NOL4: variants seen among roughly 807,000 people sequenced by gnomAD.
NOL4 encodes the protein nucleolar protein 4, also known as cancer/testis antigen 125.
NOL4 carries 17 observed loss-of-function variants against 75.9 expected under a neutral mutation model. That is an observed-to-expected ratio of 0.22 (90% confidence interval 0.15 to 0.34). The LOEUF is 0.34. Among genes scored for constraint, NOL4 ranks in the 10% least tolerant of loss-of-function variants. The probability of loss-of-function intolerance (pLI) is 1.00; values close to 1 mark genes in which losing one functional copy is unlikely to be tolerated. For synonymous variants in NOL4, 292 were observed against 289.9 expected (o/e 1.01, Z -0.07); for missense variants, 614 against 793.5 (o/e 0.77, Z 2.72).
At chr18:33,982,814 G>A (rs949265289) in intron 6 of NOL4, among the ~76,000 whole-genome samples, 3 of 144,284 alleles carry the variant, frequency 2.1e-5, no homozygotes, top group Non-Finnish European at 4.5e-5. Flanking sequence ...GTAATGGTGC[G>A]TTCTCGGCTC....
At chr18:33,962,712 A>C (rs1309856518) in intron 6 of NOL4, among the ~76,000 whole-genome samples, 1 of 152,166 alleles carries the variant, frequency 6.6e-6, no homozygotes, top group Non-Finnish European at 1.5e-5. Flanking sequence ...ATAGGTTTGA[A>C]AAGTCTATCT....
At chr18:34,140,087 C>T (rs2081076169) in intron 1 of NOL4, among the ~76,000 whole-genome samples, 1 of 152,128 alleles carries the variant, frequency 6.6e-6, no homozygotes. Context: ...CTGAGGAGTG[C>T]TTTACTTCCA....
chr18:34,084,060 G>C (rs942819814), intron 5 of NOL4, among the ~76,000 whole-genome samples: 8 of 152,176 alleles, frequency 5.3e-5, no homozygotes, highest in African/African-American at 1.7e-4. Context: ...TTTTTTCCCA[G>C]AGGGGCACTG....
chr18:34,153,179 C>T (rs2081729957), intron 1 of NOL4, among the ~76,000 whole-genome samples: 1 of 151,754 alleles, frequency 6.6e-6, no homozygotes, highest in African/African-American at 2.4e-5. Flanking sequence ...CTTTTCGATA[C>T]ATCACTAGGA....
intron 1 of NOL4, among the ~76,000 whole-genome samples, chr18:34,219,908 C>A (rs2037179853): frequency 6.6e-6 from 1 of 152,202 alleles, no homozygotes; most frequent in South Asian, 2.1e-4. Flanking sequence ...GTATCTACTC[C>A]ATCAAAAAGC....
chr18:34,031,515 G>C (rs907906375), intron 5 of NOL4, among the ~76,000 whole-genome samples: 2 of 152,284 alleles, frequency 1.3e-5, no homozygotes, highest in South Asian at 2.1e-4. Flanking sequence ...TTATTGATTT[G>C]ATAGACCCTC....
At chr18:33,918,303 G>A (rs1371092250) in intron 9 of NOL4, among the ~76,000 whole-genome samples, 1 of 152,166 alleles carries the variant, frequency 6.6e-6, no homozygotes, top group East Asian at 1.9e-4. Flanking sequence ...TTTTAAAAAG[G>A]AAGTACCTTA....
intron 9 of NOL4, among the ~76,000 whole-genome samples, chr18:33,886,643 G>A (rs1174513405): frequency 1.3e-5 from 2 of 150,232 alleles, no homozygotes; most frequent in Non-Finnish European, 3.0e-5. Context: ...CTCAGAGAGT[G>A]TAACTGAATT....
At chr18:33,938,401 G>A (rs987995205) in intron 9 of NOL4, among the ~76,000 whole-genome samples, 6 of 152,002 alleles carry the variant, frequency 3.9e-5, no homozygotes, top group African/African-American at 4.8e-5. Flanking sequence ...CCCACCAACC[G>A]TGTAAAAGCA....
intron 6 of NOL4, among the ~76,000 whole-genome samples, chr18:33,972,525 T>G (rs564874425): frequency 6.6e-6 from 1 of 152,228 alleles, no homozygotes; most frequent in South Asian, 2.1e-4. Context: ...GATTGTAAAA[T>G]CGTGCAACTA....
intron 1 of NOL4, among the ~76,000 whole-genome samples, chr18:34,155,341 C>A (rs920326031): frequency 1.3e-5 from 2 of 151,754 alleles, no homozygotes; most frequent in Non-Finnish European, 2.9e-5. Context: ...GAGATACAGA[C>A]CATTCATGAA....
At chr18:33,894,074 G>A (rs2065257114) in intron 9 of NOL4, among the ~76,000 whole-genome samples, 1 of 152,084 alleles carries the variant, frequency 6.6e-6, no homozygotes, top group South Asian at 2.1e-4. Context: ...TGGGGCAAGG[G>A]AGTGCAATTT....
rs569213526 is a variant in NOL4, at chr18:34,021,907, A to C, written c.773-2306T>G. On this transcript the variant is annotated intron_variant, in intron 5 of 10. Transcript: ENST00000261592. ...CACCTGAGGTCAGGAGTTTGAGACC[A>C]GCCTGGCCAACATGGTGAAACCCCC... 6.6e-5 allele frequency among the ~76,000 whole-genome samples: 10 copies of C among 152,178 alleles called. No homozygotes were observed. In the South Asian group the frequency reaches 2.1e-3, roughly 32 times the overall value.
At chr18:33,887,869 G>A (rs1041652576) in intron 9 of NOL4, among the ~76,000 whole-genome samples, 5 of 152,024 alleles carry the variant, frequency 3.3e-5, no homozygotes, top group East Asian at 1.9e-4. Flanking sequence ...GAATAGTGCC[G>A]CAATAAACAT....
chr18:34,222,214 T>C, intron 1 of NOL4: 2 of 1,431,502 alleles, frequency 1.4e-6, no homozygotes, highest in Non-Finnish European at 1.8e-6. Flanking sequence ...TTTGTGGCCA[T>C]GAGACTAGAG....
intron 9 of NOL4, among the ~76,000 whole-genome samples, chr18:33,896,231 G>T (rs2144902698): frequency 6.6e-6 from 1 of 152,222 alleles, no homozygotes; most frequent in African/African-American, 2.4e-5. Flanking sequence ...ACTGCCCAAA[G>T]CAATTTACAG....
At chr18:34,204,990 T>G (rs2036019707) in intron 1 of NOL4, among the ~76,000 whole-genome samples, 1 of 152,170 alleles carries the variant, frequency 6.6e-6, no homozygotes, top group Non-Finnish European at 1.5e-5. Context: ...TTCTGTCATT[T>G]GCATTTCTAT....
intron 10 of NOL4, among the ~76,000 whole-genome samples, chr18:33,854,056 C>T (rs907777331): frequency 3.9e-5 from 6 of 152,116 alleles, no homozygotes; most frequent in Non-Finnish European, 7.4e-5. Flanking sequence ...TAAAACAGTA[C>T]TAAGCACATA....
In NOL4 at chr18:34,044,098, T is replaced by A. The variant is rs568773975; in HGVS notation, c.773-24497A>T. On this transcript the variant is annotated intron_variant, in intron 5 of 10. Coordinates refer to ENST00000261592, the MANE Select transcript of NOL4 (RefSeq NM_003787.5). ...TTATGTCACTTAACTCTATAAAAAA[T>A]TGTGTTATTTCTCTTTCTTTTAAAT... Among the ~76,000 whole-genome samples the A allele has an allele frequency of 5.9e-5, 9 of 152,164 alleles. No homozygotes were observed. The South Asian group carries it at 1.7e-3, about 28-fold the overall frequency.
Sources: gnomAD v4.1 joint callset for allele counts (sites outside exome capture counted in the v4.1 genomes callset) on GRCh38, gnomAD v4.1.1 for gene constraint, MANE v1.5 for transcripts, NCBI Gene and HGNC (gene_info 2026-07-23, HGNC 2026-07-21) for gene names.